CRYM: variants seen among roughly 807,000 people sequenced by gnomAD.
CRYM encodes ketimine reductase mu-crystallin.
CRYM carries 18 observed loss-of-function variants against 32.9 expected under a neutral mutation model. The observed-to-expected ratio is 0.55, with a 90% confidence interval of 0.38 to 0.81. The LOEUF is 0.81. CRYM is among the 30% of genes least tolerant of loss of function. The probability of loss-of-function intolerance (pLI) is 0.00; values close to 1 mark genes in which losing one functional copy is unlikely to be tolerated. For missense variants in CRYM, 337 were observed against 393.5 expected (o/e 0.86, Z 1.21); for synonymous variants, 153 against 152.4 (o/e 1.00, Z -0.03).
intron 3 of CRYM, among the ~76,000 whole-genome samples, chr16:21,274,895 T>C (rs1227692685): frequency 2.0e-5 from 3 of 152,196 alleles, no homozygotes; most frequent in Non-Finnish European, 2.9e-5. Context: ...CGTGAGCCAC[T>C]GTACCCAGCC....
At chr16:21,269,535 C>T (rs924916816) in intron 4 of CRYM, among the ~76,000 whole-genome samples, 1 of 152,182 alleles carries the variant, frequency 6.6e-6, no homozygotes, top group Non-Finnish European at 1.5e-5. Context: ...AATCTTTTAA[C>T]CGAGTAAGCT....
At chr16:21,291,123 T>C (rs1960641541) in intron 1 of CRYM, among the ~76,000 whole-genome samples, 1 of 152,248 alleles carries the variant, frequency 6.6e-6, no homozygotes, top group Non-Finnish European at 1.5e-5. Flanking sequence ...ACTTTTGTTA[T>C]CCTGGGACAG....
At chr16:21,271,372 C>T (rs2093375117) in intron 3 of CRYM, among the ~76,000 whole-genome samples, 2 of 152,164 alleles carry the variant, frequency 1.3e-5, no homozygotes, top group South Asian at 4.1e-4. Context: ...TTCTCTATTC[C>T]ATTTAGTAAA....
chr16:21,277,598 G>A lies in CRYM; in HGVS notation c.171-14C>T, dbSNP rs755577755. On this transcript the variant is annotated splice_polypyrimidine_tract_variant and intron_variant, in intron 1 of 7. Transcript: ENST00000572914. The surrounding 1 kb of genome is among the most constrained non-coding windows in gnomAD (Gnocchi z 4.2). Reference sequence around the variant, plus strand: ...ACCCCCAGGTAGCTACAAGGAGAGAGGGAGCAGCTTCAGCCCCTTCCCATC... The same window carrying A: ...ACCCCCAGGTAGCTACAAGGAGAGAAGGAGCAGCTTCAGCCCCTTCCCATC... 8 of 1,613,220 alleles carry A rather than the reference G, an allele frequency of 5.0e-6. No homozygotes were observed. The South Asian group carries it at 8.8e-5, about 18-fold the overall frequency.
At chr16:21,269,021 A>G (rs1470537727) in intron 4 of CRYM, among the ~76,000 whole-genome samples, 15 of 151,924 alleles carry the variant, frequency 9.9e-5, no homozygotes, top group Admixed American at 7.9e-4. Flanking sequence ...GTGGGCGCCT[A>G]TAATCCAAGC....
At chr16:21,286,958 T>C (rs981029823) in intron 1 of CRYM, among the ~76,000 whole-genome samples, 32 of 151,942 alleles carry the variant, frequency 2.1e-4, no homozygotes, top group Admixed American at 2.1e-3. Flanking sequence ...GGCGTGGTGG[T>C]GGGCGCCTGT....
chr16:21,272,947 C>T (rs1166557397), intron 3 of CRYM, among the ~76,000 whole-genome samples: 5 of 148,702 alleles, frequency 3.4e-5, no homozygotes, highest in Middle Eastern at 3.6e-3. Context: ...GGATTGCAGG[C>T]GTGAGCCACT....
At chr16:21,291,172 T>C (rs76138037) in intron 1 of CRYM, among the ~76,000 whole-genome samples, 1,606 of 152,312 alleles carry the variant, frequency 0.011, 33 homozygotes, top group African/African-American at 0.036. Flanking sequence ...ATCTTTTTCA[T>C]TGCAGATTGG....
chr16:21,264,556 C>A (rs557457239), intron 5 of CRYM, among the ~76,000 whole-genome samples: 1 of 152,284 alleles, frequency 6.6e-6, no homozygotes, highest in East Asian at 1.9e-4. Context: ...CTCCGCTGAG[C>A]TGTAAACTAA....
intron 1 of CRYM, chr16:21,300,105 G>A (rs1175666177): frequency 6.6e-6 from 1 of 152,166 alleles, no homozygotes; most frequent in East Asian, 1.9e-4. Context: ...GCAGCGTTAG[G>A]TTACTTTCCA....
intron 1 of CRYM, among the ~76,000 whole-genome samples, chr16:21,298,487 T>G (rs576819331): frequency 1.6e-4 from 24 of 152,272 alleles, no homozygotes; most frequent in African/African-American, 5.8e-4. Context: ...ACATGCAACA[T>G]GAGTGAAGTT....
chr16:21,284,978 A>C (rs1055010818), intron 1 of CRYM, among the ~76,000 whole-genome samples: 1 of 152,154 alleles, frequency 6.6e-6, no homozygotes, highest in African/African-American at 2.4e-5. Context: ...GACTGATGTG[A>C]GATGATATTC....
chr16:21,260,313 A>G (rs1309451623), intron 7 of CRYM, among the ~76,000 whole-genome samples: 4 of 151,552 alleles, frequency 2.6e-5, no homozygotes, highest in Non-Finnish European at 5.9e-5. Context: ...TACTTTATTT[A>G]TTTATTTTTT....
chr16:21,266,535 C>T (rs2093364068), intron 5 of CRYM, among the ~76,000 whole-genome samples: 1 of 152,146 alleles, frequency 6.6e-6, no homozygotes. Context: ...TCCTGCCCCT[C>T]ATCCTATCAC....
intron 1 of CRYM, among the ~76,000 whole-genome samples, chr16:21,296,786 G>A (rs1043704574): frequency 5.9e-5 from 9 of 151,956 alleles, no homozygotes; most frequent in African/African-American, 1.9e-4. Flanking sequence ...TGAGGCGGGC[G>A]GATCATGAGG....
At chr16:21,286,998 G>C (rs959821166) in intron 1 of CRYM, among the ~76,000 whole-genome samples, 1 of 151,948 alleles carries the variant, frequency 6.6e-6, no homozygotes, top group Non-Finnish European at 1.5e-5. Flanking sequence ...GCTGAGGCAG[G>C]AGAATGGCGT....
rs763706653 is a variant in CRYM, at chr16:21,275,559, T to C, written c.360A>G (p.Thr120=). The part of the protein sequence containing the change: ...MDGNVITAKR[T]AAVSAIATKF... Reference sequence around the variant, plus strand: ...TGGTGGCAATGGCAGAAACTGCAGCTGTTCTCTTTGCAGTTATGACATTTC... The same window carrying C: ...TGGTGGCAATGGCAGAAACTGCAGCCGTTCTCTTTGCAGTTATGACATTTC... Residue 120 remains threonine, a synonymous_variant, in exon 3 of 8, where the codon ACA becomes ACG. Transcript: ENST00000572914. The C allele has an allele frequency of 6.8e-6, 11 of 1,614,114 alleles. No homozygotes were observed. The Admixed American group carries it at 1.7e-4, about 24-fold the overall frequency.
intron 1 of CRYM, among the ~76,000 whole-genome samples, chr16:21,293,075 CA>C (rs768851110): frequency 2.7e-5 from 4 of 145,600 alleles, no homozygotes; most frequent in Non-Finnish European, 6.0e-5. Context: ...ATACAGAGTC[CA>C]AAAATAGATT....
rs1313927114 is a variant in CRYM at position 21,267,612 on chromosome 16, G to C, written c.615C>G (p.Thr205=). 1 of 1,614,100 alleles carries C rather than the reference G, an allele frequency of 6.2e-7. No homozygotes were observed. The highest frequency in any genetic ancestry group is 1.7e-5 in the Admixed American group (1 of 60,018). The part of the protein sequence containing the change: ...VAGADVIITV[T]LATEPILFGE... ...CAAACAAAATGGGCTCTGTTGCCAG[G>C]GTGACTGTGATGATCACATCTGCAC... Residue 205 remains threonine, a synonymous_variant, in exon 5 of 8, where the codon ACC becomes ACG. Coordinates refer to ENST00000572914, the MANE Select transcript of CRYM (RefSeq NM_001376256.1).
Sources: allele counts gnomAD v4.1 joint callset (sites outside exome capture counted in the v4.1 genomes callset), GRCh38; gene constraint gnomAD v4.1.1; non-coding constraint Gnocchi (gnomAD v3.1); transcripts MANE v1.5; gene names NCBI Gene and HGNC (gene_info 2026-07-23, HGNC 2026-07-21).